The following SRRM2 variants were observed in gnomAD, a reference collection of about 807,000 sequenced individuals.
The protein encoded by SRRM2 is serine/arginine repetitive matrix protein 2.
In SRRM2, 30 loss-of-function variants were observed where a neutral mutation model predicts 213.8. The observed-to-expected ratio is 0.14, with a 90% CI of 0.10 to 0.19. The LOEUF (loss-of-function observed/expected upper bound fraction) is 0.19, where lower values mean the gene tolerates loss of function less well. Ranked by LOEUF, SRRM2 falls within the 10% of genes least tolerant of loss-of-function variation. SRRM2 has a pLI of 1.00. For synonymous variants in SRRM2, 2,025 were observed against 1,377.7 expected, an observed-to-expected ratio of 1.47 and a Z score of -10.40; for missense variants, 4,904 against 3,647.0, an observed-to-expected ratio of 1.34 and a Z score of -8.88.
chr16:2,766,064 C>G lies in SRRM2; in HGVS notation c.5536C>G (p.Pro1846Ala). ...CCGAAGAGGCCGCTCTCGGACACCC[C>G]CAACCAGTCGGAAGCGTTCTCGCTC... Reference protein sequence around the residue: ...RRRRGRSRTPPTSRKRSRSRT... With the variant: ...RRRRGRSRTPATSRKRSRSRT... Residue 1846 changes from proline to alanine, a missense_variant, in exon 11 of 15, where the codon CCA (proline) becomes GCA (alanine). By Grantham distance (27) the Pro-to-Ala change is conservative. Transcript: ENST00000301740. The surrounding 1 kb of genome is among the most constrained non-coding windows in gnomAD (Gnocchi z 7.0). 2 of 1,614,174 alleles carry G rather than the reference C, an allele frequency of 1.2e-6. No individual in the cohort carries two copies. Among genetic ancestry groups the G allele is most frequent in the Non-Finnish European group, 1.7e-6 (2 of 1,180,040 alleles).
Position 2,769,179 on chromosome 16 carries a change from C to T in SRRM2, c.7916C>T (p.Ser2639Leu), listed in dbSNP as rs2068650465. ...SSSSSSSSSSSSSSSSSSSSP... is the reference protein window; with the variant it reads ...SSSSSSSSSSLSSSSSSSSSP... Reference sequence around the variant, plus strand: ...TCTTCCTCTTCTTCTTCTTCCTCCTCATCTTCCTCCTCCTCGTCGTCTTCC... The same window carrying T: ...TCTTCCTCTTCTTCTTCTTCCTCCTTATCTTCCTCCTCCTCGTCGTCTTCC... Residue 2639 changes from serine (S) to leucine (L), a missense_variant, in exon 12 of 15, where the codon TCA becomes TTA. Ser to Leu is a moderately radical substitution (Grantham distance 145, BLOSUM62 -2). Transcript: ENST00000301740. 1 of 1,611,730 alleles carries T rather than the reference C, an allele frequency of 6.2e-7. No homozygotes were observed. Among genetic ancestry groups the T allele is most frequent in the Non-Finnish European group, 8.5e-7 (1 of 1,178,580 alleles).
At position 2,758,364 on chromosome 16, in the gene SRRM2, C is replaced by T. The variant is rs879879441; in HGVS notation, c.516-106C>T. 1.7e-5 allele frequency: 19 copies of T among 1,098,092 alleles called. No individual in the cohort carries two copies. In the African/African-American group the frequency reaches 2.5e-4, roughly 15 times the overall value. 68.0% of individuals were successfully genotyped at this position (1,098,092 alleles called of 1,614,324 possible). On this transcript the variant is annotated intron_variant, in intron 4 of 14. Transcript: ENST00000301740. ...CCACCTGAGGCAACAGAGCGAGACT[C>T]TTATTTTTTTATTTTTATTACTATT... is the stretch of plus-strand genomic sequence containing the variant.
rs746339697 is a variant in SRRM2 at position 2,767,425 on chromosome 16, G to T, written c.6897G>T (p.Gly2299=). Residue 2299 remains glycine (G), a synonymous_variant, in exon 11 of 15, where the codon GGG becomes GGT. Transcript: ENST00000301740. ...TPTAPAVNLA[G]ARTPAALAAL... ...CAGCCCCAGCTGTGAACCTAGCAGG[G>T]GCCAGAACCCCAGCTGCCTTGGCAG... 1 of 1,613,960 alleles carries T rather than the reference G, an allele frequency of 6.2e-7. No homozygotes were observed. Among genetic ancestry groups the T allele is most frequent in the South Asian group, 1.1e-5 (1 of 91,076 alleles).
chr16:2,765,562 C>G lies in SRRM2; in HGVS notation c.5034C>G (p.Pro1678=), dbSNP rs755280199. The G allele has an allele frequency of 6.8e-6, 11 of 1,614,084 alleles. No homozygotes were observed. The highest frequency in any genetic ancestry group is 8.5e-6 in the Non-Finnish European group (10 of 1,180,036). The part of the protein sequence containing the change: ...ARRGSRSSPE[P]KTKSRTPPRR... ...GAGGTTCCAGGTCATCACCAGAGCCCAAGACCAAGTCTCGTACACCACCTC... is the reference window on the plus strand; with the variant it reads ...GAGGTTCCAGGTCATCACCAGAGCCGAAGACCAAGTCTCGTACACCACCTC... The change falls in exon 11 of 15, where the codon CCC becomes CCG. Residue 1678 remains proline, a synonymous_variant. Transcript: ENST00000301740.
chr16:2,762,672 C>T lies in SRRM2; in HGVS notation c.2144C>T (p.Ser715Phe). The change falls in exon 11 of 15, where the codon TCT becomes TTT. Residue 715 changes from serine to phenylalanine, a missense_variant. Physicochemically the swap from Ser to Phe is radical, Grantham distance 155. Coordinates refer to ENST00000301740, the MANE Select transcript of SRRM2 (RefSeq NM_016333.4). ...RSLVRRGRSH[S>F]RTPQRRGRSG... is the part of the protein sequence containing the mutation. ...TTAGTTAGACGTGGAAGATCTCACT[C>T]TAGAACACCTCAAAGAAGAGGCAGA... is the stretch of plus-strand genomic sequence containing the variant. The T allele has an allele frequency of 1.2e-6, 2 of 1,614,182 alleles. No homozygotes were observed. Among genetic ancestry groups the T allele is most frequent in the Non-Finnish European group, 1.7e-6 (2 of 1,180,028 alleles).
intron 1 of SRRM2, among the ~76,000 whole-genome samples, chr16:2,755,830 T>G (rs1164753702): frequency 6.6e-6 from 1 of 152,136 alleles, no homozygotes; most frequent in Non-Finnish European, 1.5e-5. Flanking sequence ...AGGTAAGTTT[T>G]TGGGAGAGTC....
Position 2,765,555 on chromosome 16 carries a change from C to T in SRRM2, c.5027C>T (p.Pro1676Leu). 1 of 1,614,206 alleles carries T rather than the reference C, an allele frequency of 6.2e-7. No homozygotes were observed. Among genetic ancestry groups the T allele is most frequent in the Non-Finnish European group, 8.5e-7 (1 of 1,180,028 alleles). The change falls in exon 11 of 15, where the codon CCA becomes CTA. Residue 1676 changes from proline to leucine, a missense_variant. Physicochemically the swap from Pro to Leu is moderately conservative, Grantham distance 98. Transcript: ENST00000301740. ...GCTCGCAGAGGTTCCAGGTCATCAC[C>T]AGAGCCCAAGACCAAGTCTCGTACA... ...RTARRGSRSS[P>L]EPKTKSRTPP...
chr16:2,761,895 C>T lies in SRRM2; in HGVS notation c.1367C>T (p.Ser456Phe). 1 of 1,613,308 alleles carries T rather than the reference C, an allele frequency of 6.2e-7. No individual in the cohort carries two copies. Among genetic ancestry groups the T allele is most frequent in the Non-Finnish European group, 8.5e-7 (1 of 1,180,032 alleles). ...GGGTCCCACCGAGAGATTTCTTCTT[C>T]TCCCACATCTAAGAATCGCTCACAT... ...APGSHREISS[S>F]PTSKNRSHGR... Residue 456 changes from serine to phenylalanine, a missense_variant, in exon 11 of 15, where the codon TCT (serine) becomes TTT (phenylalanine). Physicochemically the swap from Ser to Phe is radical, Grantham distance 155. Transcript: ENST00000301740.
chr16:2,754,728 G>C (rs752819021), intron 1 of SRRM2, among the ~76,000 whole-genome samples: 12 of 152,158 alleles, frequency 7.9e-5, no homozygotes, highest in Non-Finnish European at 1.6e-4. Context: ...GTAGGGGAGA[G>C]GCGAAGAAGG....
At chr16:2,757,427 G>C (rs2068183862) in intron 2 of SRRM2, 45 bp from the exon 3 acceptor site, 2 of 1,572,354 alleles carry the variant, frequency 1.3e-6, no homozygotes, top group Non-Finnish European at 1.7e-6. Context: ...TGGGACTGGG[G>C]AAAGTGTCCT....
At position 2,765,431 on chromosome 16, in the gene SRRM2, C is replaced by A. The variant is rs1407624119; in HGVS notation, c.4903C>A (p.Arg1635=). 2.5e-6 allele frequency: 4 copies of A among 1,614,028 alleles called. No homozygotes were observed. In the Admixed American group the frequency reaches 6.7e-5, roughly 27 times the overall value. ...TCCAGCCCCTCGGGCCCTTCCCAGACGAAGCAGATCAGGTTCATCAAGCAA... is the reference window on the plus strand; with the variant it reads ...TCCAGCCCCTCGGGCCCTTCCCAGAAGAAGCAGATCAGGTTCATCAAGCAA... ...KAPAPRALPR[R]SRSGSSSKGR... Residue 1635 remains arginine (R), a synonymous_variant, in exon 11 of 15, where the codon CGA becomes AGA. Coordinates refer to ENST00000301740, the MANE Select transcript of SRRM2 (RefSeq NM_016333.4).
At position 2,764,854 on chromosome 16, in the gene SRRM2, G is replaced by A. The variant is rs376619816; in HGVS notation, c.4326G>A (p.Gly1442=). ...CTCCATCAAGGAGAAGCAGGTCTGG[G>A]TCTTCTCCAGGACTTAGAGATGGGT... ...PRTPSRRSRS[G]SSPGLRDGSG... is the part of the protein sequence containing the mutation. Residue 1442 remains glycine, a synonymous_variant, in exon 11 of 15, where the codon GGG becomes GGA. Coordinates refer to ENST00000301740, the MANE Select transcript of SRRM2 (RefSeq NM_016333.4). 12 of 1,614,078 alleles carry A rather than the reference G, an allele frequency of 7.4e-6. No individual in the cohort carries two copies. The African/African-American group carries it at 1.6e-4, about 22-fold the overall frequency.
chr16:2,762,945 C>G lies in SRRM2; in HGVS notation c.2417C>G (p.Ala806Gly), dbSNP rs756755730. Residue 806 changes from alanine to glycine, a missense_variant, in exon 11 of 15, where the codon GCT becomes GGT. By Grantham distance (60) the Ala-to-Gly change is moderately conservative. Transcript: ENST00000301740. Reference sequence around the variant, plus strand: ...CGCTCTGGATCCTCCCAACCTAAAGCTAAATCTAGAACGCCACCCAGACGC... The same window carrying G: ...CGCTCTGGATCCTCCCAACCTAAAGGTAAATCTAGAACGCCACCCAGACGC... ...RSRSGSSQPK[A>G]KSRTPPRRSR... is the part of the protein sequence containing the mutation. 28 of 1,610,244 alleles carry G rather than the reference C, an allele frequency of 1.7e-5. No homozygotes were observed. Among genetic ancestry groups the G allele is most frequent in the Middle Eastern group, 1.6e-4 (1 of 6,078 alleles).
chr16:2,761,530 TC>T (rs2068347635), intron 10 of SRRM2, 30 bp from the exon 11 acceptor site: 1 of 1,461,108 alleles, frequency 6.8e-7, no homozygotes. Context: ...CGTTTATGAA[TC>T]CCTATCCCTG....
rs79439891 is a variant in SRRM2 at position 2,769,177 on chromosome 16, C to A, written c.7914C>A (p.Ser2638=). The A allele has an allele frequency of 6.2e-7, 1 of 1,611,268 alleles. No homozygotes were observed. Among genetic ancestry groups the A allele is most frequent in the East Asian group, 2.2e-5 (1 of 44,874 alleles). ...CCTCTTCCTCTTCTTCTTCTTCCTC[C>A]TCATCTTCCTCCTCCTCGTCGTCTT... is the stretch of plus-strand genomic sequence containing the variant. ...SSSSSSSSSS[S]SSSSSSSSSS... is the part of the protein sequence containing the mutation. The change falls in exon 12 of 15, where the codon TCC becomes TCA. Residue 2638 remains serine (S), a synonymous_variant. Coordinates refer to ENST00000301740, the MANE Select transcript of SRRM2 (RefSeq NM_016333.4).
Position 2,765,643 on chromosome 16 carries a change from T to A in SRRM2, c.5115T>A (p.Arg1705=). The change falls in exon 11 of 15, where the codon CGT becomes CGA. Residue 1705 remains arginine, a synonymous_variant. Coordinates refer to ENST00000301740, the MANE Select transcript of SRRM2 (RefSeq NM_016333.4). The stretch of plus-strand genomic sequence containing the variant: ...TAACAAGGAAGGCCAGACTGTCCCG[T>A]AGAAGCCGCTCTGCCTCATCCTCAC... The part of the protein sequence containing the change: ...PELTRKARLS[R]RSRSASSSPE... 6.2e-7 allele frequency: 1 copy of A among 1,614,126 alleles called. No homozygotes were observed. Among genetic ancestry groups the A allele is most frequent in the South Asian group, 1.1e-5 (1 of 91,074 alleles).
Position 2,761,765 on chromosome 16 carries a change from C to G in SRRM2, c.1237C>G (p.Pro413Ala). ...ACCACCTAAGTCTCCCGAGAAACTT[C>G]CCCAGTCTTCTTCCTCAGAGAGCAG... ...RSPPKSPEKL[P>A]QSSSSESSPP... Residue 413 changes from proline to alanine, a missense_variant, in exon 11 of 15, where the codon CCC becomes GCC. Pro to Ala is a conservative substitution (Grantham distance 27). Transcript: ENST00000301740. 6.2e-7 allele frequency: 1 copy of G among 1,613,530 alleles called. No homozygotes were observed. The highest frequency in any genetic ancestry group is 8.5e-7 in the Non-Finnish European group (1 of 1,179,710).
rs1385502399 is a variant in SRRM2, at chr16:2,768,061, C to G, written c.7533C>G (p.Ala2511=). 2 of 1,614,180 alleles carry G rather than the reference C, an allele frequency of 1.2e-6. No individual in the cohort carries two copies. The highest frequency in any genetic ancestry group is 1.7e-6 in the Non-Finnish European group (2 of 1,180,000). ...VPHSDVGEPP[A]STGAQQPSAL... is the part of the protein sequence containing the mutation. ...ACTCTGATGTGGGGGAGCCACCTGC[C>G]TCTACTGGGGCCCAGCAGCCTTCTG... Residue 2511 remains alanine, a synonymous_variant, in exon 11 of 15, where the codon GCC becomes GCG. Coordinates refer to ENST00000301740, the MANE Select transcript of SRRM2 (RefSeq NM_016333.4).
chr16:2,767,939 G>C lies in SRRM2; in HGVS notation c.7411G>C (p.Gly2471Arg). The C allele has an allele frequency of 6.2e-7, 1 of 1,614,166 alleles. No individual in the cohort carries two copies. The highest frequency in any genetic ancestry group is 8.5e-7 in the Non-Finnish European group (1 of 1,180,032). ...GATTGCCCAGACCACCCCTGTAGCA[G>C]GGTCTCAGTCCCTTTCCTCTGGGGC... ...CLIAQTTPVAGSQSLSSGAVA... is the reference protein window; with the variant it reads ...CLIAQTTPVARSQSLSSGAVA... Residue 2471 changes from glycine to arginine, a missense_variant, in exon 11 of 15, where the codon GGG (glycine) becomes CGG (arginine). Transcript: ENST00000301740.
Sources: allele counts gnomAD v4.1 joint callset (sites outside exome capture counted in the v4.1 genomes callset), GRCh38; gene constraint gnomAD v4.1.1; non-coding constraint Gnocchi (gnomAD v3.1); transcripts MANE v1.5; gene names NCBI Gene and HGNC (gene_info 2026-07-23, HGNC 2026-07-21).